The following SDHAF2 variants were observed in gnomAD, a reference collection of about 807,000 sequenced individuals.
SDHAF2 encodes succinate dehydrogenase complex assembly factor 2.
SDHAF2 carries 21 observed loss-of-function variants against 18.5 expected under a neutral mutation model. That is an observed-to-expected ratio of 1.13 (90% CI 0.80 to 1.63). The LOEUF (loss-of-function observed/expected upper bound fraction) is 1.63. SDHAF2 is among the 40% of genes most tolerant of loss of function. The pLI is 0.00. For missense variants in SDHAF2, 195 were observed against 200.3 expected, an observed-to-expected ratio of 0.97 and a Z score of 0.16; for synonymous variants, 84 against 70.7, an observed-to-expected ratio of 1.19 and a Z score of -0.94.
At chr11:61,445,911 T>C in intron 3 of SDHAF2, 30 bp from the exon 4 acceptor site, 1 of 1,613,928 alleles carries the variant, frequency 6.2e-7, no homozygotes. Context: ...GACTATGGCA[T>C]AATTTTTTCT....
At chr11:61,445,822 A>G in intron 3 of SDHAF2, 119 bp from the exon 4 acceptor site, 1 of 1,179,778 alleles carries the variant, frequency 8.5e-7, no homozygotes, top group Non-Finnish European at 1.3e-6. Context: ...TAGAAGAAGG[A>G]TGGAGACAGT....
At chr11:61,438,195 T>G (rs1467134523) in intron 3 of SDHAF2, 82 bp downstream of exon 3, 1 of 1,054,536 alleles carries the variant, frequency 9.5e-7, no homozygotes, top group Non-Finnish European at 1.4e-6. Flanking sequence ...CTAGATAATT[T>G]TTTTCTTTCT....
At chr11:61,435,085 T>A (rs967494133) in intron 1 of SDHAF2, 1 of 152,202 alleles carries the variant, frequency 6.6e-6, no homozygotes, top group East Asian at 1.9e-4. Flanking sequence ...CTCACTGTGT[T>A]GCCCAGGCTG....
intron 3 of SDHAF2, among the ~76,000 whole-genome samples, chr11:61,442,162 G>A (rs1041831359): frequency 2.4e-4 from 37 of 152,232 alleles, no homozygotes; most frequent in African/African-American, 8.2e-4. Flanking sequence ...CAAAGTGCTG[G>A]GATTACAGGT....
chr11:61,439,085 A>G (rs184765924), intron 3 of SDHAF2, among the ~76,000 whole-genome samples: 1 of 152,270 alleles, frequency 6.6e-6, no homozygotes, highest in Admixed American at 6.5e-5. Context: ...TTTATGAGGA[A>G]TGAATTCTAA....
At chr11:61,438,140 G>A in intron 3 of SDHAF2, 27 bp downstream of exon 3, 1 of 1,508,858 alleles carries the variant, frequency 6.6e-7, no homozygotes, top group Non-Finnish European at 9.2e-7. Flanking sequence ...GCAGCATAAT[G>A]TGAAAATAGG....
chr11:61,446,268 G>C lies in SDHAF2; in HGVS notation c.*197G>C. On this transcript the variant is annotated 3_prime_UTR_variant, in exon 4 of 4. Transcript: ENST00000301761. ...ATGTGACTCATTCTCATACTTTTTT[G>C]TTCAGCTCTGAGCCTCAAAAGTGAT... 3.0e-6 allele frequency: 2 copies of C among 665,700 alleles called. No homozygotes were observed. Among genetic ancestry groups the C allele is most frequent in the South Asian group, 3.4e-5 (2 of 58,288 alleles). 41.2% of individuals were successfully genotyped at this position (665,700 alleles called of 1,614,324 possible). A position where few individuals can be genotyped will look rare whatever the true frequency, so the allele number is the denominator to read the frequency against.
rs1395979927 is a variant in SDHAF2 at position 61,446,249 on chromosome 11, CTCAT to C, written c.*181_*184del. The C allele has an allele frequency of 4.3e-5, 30 of 700,700 alleles. No individual in the cohort carries two copies. Among genetic ancestry groups the C allele is most frequent in the Non-Finnish European group, 6.8e-5 (27 of 396,326 alleles). 43.4% of individuals were successfully genotyped at this position (700,700 alleles called of 1,614,324 possible). Reference sequence around the variant, plus strand: ...ACATACATGTAAATGCACAATGTGACTCATTCTCATACTTTTTTGTTCAGCTCTG... The same window carrying C: ...ACATACATGTAAATGCACAATGTGACTCTCATACTTTTTTGTTCAGCTCTG... On this transcript the variant is annotated 3_prime_UTR_variant, in exon 4 of 4. Coordinates refer to ENST00000301761, the MANE Select transcript of SDHAF2 (RefSeq NM_017841.4).
chr11:61,441,583 G>T (rs1446494488), intron 3 of SDHAF2, among the ~76,000 whole-genome samples: 2 of 150,980 alleles, frequency 1.3e-5, no homozygotes, highest in African/African-American at 4.9e-5. Flanking sequence ...TGGACTCCAA[G>T]AATGTGATTC....
intron 1 of SDHAF2, chr11:61,430,423 A>G (rs1421298500): frequency 5.3e-6 from 3 of 570,184 alleles, no homozygotes; most frequent in East Asian, 3.0e-5. Context: ...CCAAGACCCA[A>G]TTCGCCTCTC....
At chr11:61,433,572 A>G (rs1434824391) in intron 1 of SDHAF2, 2 of 152,334 alleles carry the variant, frequency 1.3e-5, no homozygotes, top group South Asian at 2.1e-4. Context: ...ATGTTATTTT[A>G]GTATAGAAAG....
chr11:61,444,092 A>G (rs1256681244), intron 3 of SDHAF2: 1 of 152,152 alleles, frequency 6.6e-6, no homozygotes, highest in South Asian at 2.1e-4. Context: ...GGTTTTATAC[A>G]CTCATGCTAG....
chr11:61,446,018 G>C lies in SDHAF2; in HGVS notation c.448G>C (p.Glu150Gln), dbSNP rs1300630237. The C allele has an allele frequency of 1.2e-6, 2 of 1,614,144 alleles. No individual in the cohort carries two copies. Among genetic ancestry groups the C allele is most frequent in the Non-Finnish European group, 8.5e-7 (1 of 1,180,010 alleles). Residue 150 changes from glutamate (E) to glutamine (Q), a missense_variant, in exon 4 of 4, where the codon GAG becomes CAG. By Grantham distance (29) the Glu-to-Gln change is conservative (BLOSUM62 2). Transcript: ENST00000301761. ...AGACTTTGCTAAAAACAAAAACAAA[G>C]AGCAGAGACTGCGTGCCCCAGATCT... ...LRDFAKNKNK[E>Q]QRLRAPDLEY...
At chr11:61,443,249 T>G (rs1299726984) in intron 3 of SDHAF2, among the ~76,000 whole-genome samples, 6 of 152,256 alleles carry the variant, frequency 3.9e-5, no homozygotes, top group Non-Finnish European at 5.9e-5. Flanking sequence ...TTTTAGCATT[T>G]CCATTTGACT....
At position 61,438,067 on chromosome 11, in the gene SDHAF2, G is replaced by A. The variant is rs1426061764; in HGVS notation, c.324G>A (p.Leu108=). ...AGCAGCTGAACCTCTATGACCGCCT[G>A]ATTAACGAGCCTAGTAATGACTGGG... is the stretch of plus-strand genomic sequence containing the variant. ...TEKQLNLYDR[L]INEPSNDWDI... The change falls in exon 3 of 4, where the codon CTG becomes CTA. Residue 108 remains leucine, a synonymous_variant. Transcript: ENST00000301761. The A allele has an allele frequency of 1.2e-6, 2 of 1,614,112 alleles. No individual in the cohort carries two copies. Among genetic ancestry groups the A allele is most frequent in the Non-Finnish European group, 1.7e-6 (2 of 1,180,030 alleles).
rs1481397608 is a variant in SDHAF2 at position 61,438,322 on chromosome 11, C to T, written c.370+209C>T. The T allele has an allele frequency of 6.5e-6, 4 of 619,212 alleles. No homozygotes were observed. In the East Asian group the frequency reaches 1.1e-4, roughly 17 times the overall value. The allele number at this position is 619,212 out of a possible 1,614,324, so 38.4% of individuals were successfully genotyped here. On this transcript the variant is annotated intron_variant, in intron 3 of 3. Transcript: ENST00000301761. ...TCAAGCGATTCTCCAGCCTCAGCCT[C>T]CTGAGTACCTGGGATTACAGGCATG...
At chr11:61,439,550 G>A (rs1343941434) in intron 3 of SDHAF2, among the ~76,000 whole-genome samples, 2 of 152,160 alleles carry the variant, frequency 1.3e-5, no homozygotes, top group East Asian at 3.8e-4. Flanking sequence ...GCCACACTCC[G>A]GGACTGCTGT....
At position 61,438,045 on chromosome 11, in the gene SDHAF2, A is replaced by C; in HGVS notation, c.302A>C (p.Gln101Pro). 1 of 1,614,170 alleles carries C rather than the reference A, an allele frequency of 6.2e-7. No individual in the cohort carries two copies. Among genetic ancestry groups the C allele is most frequent in the African/African-American group, 1.3e-5 (1 of 75,034 alleles). ...KEHLQHMTEK[Q>P]LNLYDRLINE... ...CATCTGCAGCACATGACAGAAAAGC[A>C]GCTGAACCTCTATGACCGCCTGATT... is the stretch of plus-strand genomic sequence containing the variant. The change falls in exon 3 of 4, where the codon CAG (glutamine) becomes CCG (proline). Residue 101 changes from glutamine (Q) to proline (P), a missense_variant. Physicochemically the swap from Gln to Pro is moderately conservative, Grantham distance 76. Transcript: ENST00000301761.
At chr11:61,440,130 C>T (rs1862043948) in intron 3 of SDHAF2, among the ~76,000 whole-genome samples, 1 of 152,022 alleles carries the variant, frequency 6.6e-6, no homozygotes, top group Admixed American at 6.6e-5. Context: ...GCCTGGCCAG[C>T]ATGACAATAC....
Sources: gnomAD v4.1 joint callset for allele counts (sites outside exome capture counted in the v4.1 genomes callset) on GRCh38, gnomAD v4.1.1 for gene constraint, MANE v1.5 for transcripts, NCBI Gene and HGNC (gene_info 2026-07-23, HGNC 2026-07-21) for gene names.